MAP6: variants seen among roughly 807,000 people sequenced by gnomAD.
MAP6 encodes microtubule-associated protein 6.
In MAP6, 26 loss-of-function variants were observed where a neutral mutation model predicts 42.4. That is an observed-to-expected ratio of 0.61 (90% CI 0.45 to 0.85). The LOEUF is 0.85. MAP6 is among the 40% of genes least tolerant of loss of function. MAP6 has a pLI of 0.00. For missense variants in MAP6, 966 were observed against 1,099.0 expected (o/e 0.88, Z 1.71); for synonymous variants, 418 against 443.8 (o/e 0.94, Z 0.73).
chr11:75,666,046 T>A (rs990594633), intron 1 of MAP6, among the ~76,000 whole-genome samples: 1 of 152,190 alleles, frequency 6.6e-6, no homozygotes, highest in Non-Finnish European at 1.5e-5. Flanking sequence ...GTCTAACCTA[T>A]ATACAGAGTC....
At chr11:75,607,519 A>G in intron 2 of MAP6, 2 of 985,466 alleles carry the variant, frequency 2.0e-6, no homozygotes, top group Non-Finnish European at 2.4e-6. Context: ...ACTTTCACAA[A>G]CTGTTCATTT....
At chr11:75,617,536 A>C (rs896034044) in intron 1 of MAP6, among the ~76,000 whole-genome samples, 3 of 150,658 alleles carry the variant, frequency 2.0e-5, no homozygotes, top group South Asian at 2.1e-4. Flanking sequence ...AAAAAAAAAA[A>C]AAAAACCCAA....
At chr11:75,624,186 C>A (rs967457786) in intron 1 of MAP6, among the ~76,000 whole-genome samples, 14 of 152,202 alleles carry the variant, frequency 9.2e-5, no homozygotes, top group Admixed American at 9.2e-4. Context: ...GTGTCAGTGT[C>A]TGAGAAAATG....
intron 3 of MAP6, chr11:75,597,040 G>T (rs1468844890): frequency 6.6e-6 from 1 of 152,220 alleles, no homozygotes; most frequent in East Asian, 1.9e-4. Context: ...GTGTGACTTT[G>T]TTCCTTAATC....
intron 3 of MAP6, chr11:75,604,620 C>G: frequency 1.0e-6 from 1 of 985,310 alleles, no homozygotes; most frequent in Non-Finnish European, 1.2e-6. Flanking sequence ...CAACAACTCC[C>G]TGACTAATTC....
rs190513811 is a variant in MAP6, at chr11:75,615,687, G to A, written c.906-7365C>T. Among the ~76,000 whole-genome samples the A allele has an allele frequency of 4.6e-5, 7 of 152,300 alleles. No individual in the cohort carries two copies. The East Asian group carries it at 7.7e-4, about 17-fold the overall frequency. On this transcript the variant is annotated intron_variant, in intron 1 of 3. Coordinates refer to ENST00000304771, the MANE Select transcript of MAP6 (RefSeq NM_033063.2). Reference sequence around the variant, plus strand: ...CAAAATTTGGGCAGCAGCTTCCAGCGCCAGGCTTCTTTCTGAGCGCATTTC... The same window carrying A: ...CAAAATTTGGGCAGCAGCTTCCAGCACCAGGCTTCTTTCTGAGCGCATTTC...
chr11:75,606,891 AC>A (rs1429529265), intron 2 of MAP6, among the ~76,000 whole-genome samples: 3 of 151,338 alleles, frequency 2.0e-5, no homozygotes, highest in African/African-American at 7.3e-5. Context: ...ACTGAAAGTG[AC>A]CCCTCAATAG....
chr11:75,642,838 T>C (rs533592543), intron 1 of MAP6: 2 of 472,488 alleles, frequency 4.2e-6, no homozygotes, highest in East Asian at 1.1e-4. Context: ...ATGGATTCTA[T>C]AAAGGAACAA....
chr11:75,609,297 G>A (rs1173196879), intron 1 of MAP6, among the ~76,000 whole-genome samples: 1 of 152,154 alleles, frequency 6.6e-6, no homozygotes, highest in Non-Finnish European at 1.5e-5. Flanking sequence ...TGTGGCTTCT[G>A]GGGTCTTTAT....
intron 1 of MAP6, among the ~76,000 whole-genome samples, chr11:75,619,334 T>C (rs995585844): frequency 6.6e-6 from 1 of 152,164 alleles, no homozygotes; most frequent in African/African-American, 2.4e-5. Context: ...ATTTTAAATC[T>C]TTTTTTAAAA....
In MAP6 at chr11:75,639,767, T is replaced by A. The variant is rs538787203; in HGVS notation, c.905+27698A>T. Among the ~76,000 whole-genome samples the A allele has an allele frequency of 7.2e-4, 109 of 151,102 alleles. 1 individual carries two copies. Among genetic ancestry groups the A allele is most frequent in the South Asian group, 1.1e-3 (5 of 4,760 alleles). ...GGAGGGAGAAAACAAGGGAGGGAGG[T>A]GGTTTGTGTGCAGGAGAGAGAGACA... On this transcript the variant is annotated intron_variant, in intron 1 of 3. Coordinates refer to ENST00000304771, the MANE Select transcript of MAP6 (RefSeq NM_033063.2).
At chr11:75,639,396 G>C (rs1431865242) in intron 1 of MAP6, among the ~76,000 whole-genome samples, 1 of 152,140 alleles carries the variant, frequency 6.6e-6, no homozygotes, top group Non-Finnish European at 1.5e-5. Flanking sequence ...CTTTATCAAA[G>C]CTGCTGAATA....
intron 1 of MAP6, among the ~76,000 whole-genome samples, chr11:75,655,309 G>C (rs148443194): frequency 7.2e-5 from 11 of 152,310 alleles, no homozygotes; most frequent in African/African-American, 2.6e-4. Context: ...AGGATAGAAA[G>C]GATTTAGAAA....
chr11:75,655,665 G>A (rs914838522), intron 1 of MAP6, among the ~76,000 whole-genome samples: 1 of 152,228 alleles, frequency 6.6e-6, no homozygotes, highest in Non-Finnish European at 1.5e-5. Context: ...AACAAGATTA[G>A]TGGAGGGAGA....
chr11:75,629,038 G>T (rs1304682388), intron 1 of MAP6, among the ~76,000 whole-genome samples: 1 of 152,156 alleles, frequency 6.6e-6, no homozygotes, highest in South Asian at 2.1e-4. Context: ...GCTGGCAAGT[G>T]GCAGTGCTGG....
intron 1 of MAP6, among the ~76,000 whole-genome samples, chr11:75,651,086 TGTCCCAATCCCTGGGGATATG>T (rs990590975): frequency 2.0e-5 from 3 of 152,174 alleles, no homozygotes; most frequent in African/African-American, 7.2e-5. Context: ...TAAATCAGCA[TGTCCCAATCCCTGGGGATATG>T]ACCCCAATCT....
chr11:75,613,595 TC>T (rs973131700), intron 1 of MAP6, among the ~76,000 whole-genome samples: 25 of 152,148 alleles, frequency 1.6e-4, no homozygotes, highest in African/African-American at 5.5e-4. Flanking sequence ...AGGCCCGCTG[TC>T]CCCTCCACAA....
At chr11:75,597,356 T>C (rs939159014) in intron 3 of MAP6, 7 of 152,256 alleles carry the variant, frequency 4.6e-5, no homozygotes, top group African/African-American at 1.7e-4. Context: ...TATTTACCTA[T>C]TTATTTTTGC....
chr11:75,606,004 C>T lies in MAP6; in HGVS notation c.1120G>A (p.Val374Met), dbSNP rs756437823. 1.9e-6 allele frequency: 3 copies of T among 1,613,370 alleles called. No individual in the cohort carries two copies. The Admixed American group carries it at 5.0e-5, about 27-fold the overall frequency. The change falls in exon 3 of 4, where the codon GTG becomes ATG. Residue 374 changes from valine to methionine, a missense_variant and splice_region_variant. By Grantham distance (21) the Val-to-Met change is conservative (BLOSUM62 1). Coordinates refer to ENST00000304771, the MANE Select transcript of MAP6 (RefSeq NM_033063.2). ...YSEPFKEPPK[V>M]EKPSVQSSKP... ...GAACTCTGAACACTAGGTTTTTCCACCTGTACGGAGAGACAGACCGCAAAT... is the reference window on the plus strand; with the variant it reads ...GAACTCTGAACACTAGGTTTTTCCATCTGTACGGAGAGACAGACCGCAAAT...
Sources: allele counts gnomAD v4.1 joint callset (sites outside exome capture counted in the v4.1 genomes callset), GRCh38; gene constraint gnomAD v4.1.1; transcripts MANE v1.5; gene names NCBI Gene and HGNC (gene_info 2026-07-23, HGNC 2026-07-21).